The following PDE6D variants were observed in gnomAD, a reference collection of about 807,000 sequenced individuals.
PDE6D encodes the protein retinal rod rhodopsin-sensitive cGMP 3',5'-cyclic phosphodiesterase subunit delta.
PDE6D carries 10 observed loss-of-function variants against 21.9 expected under a neutral mutation model. That is an observed-to-expected ratio of 0.46 (90% CI 0.28 to 0.78). PDE6D has a LOEUF of 0.78. Ranked by LOEUF, PDE6D falls within the 30% of genes least tolerant of loss-of-function variation. The pLI is 0.12. For synonymous variants in PDE6D, 59 were observed against 63.5 expected (o/e 0.93, Z 0.34); for missense variants, 139 against 184.8 (o/e 0.75, Z 1.44).
chr2:231,758,207 A>G (rs997218371), intron 1 of PDE6D, among the ~76,000 whole-genome samples: 1 of 152,206 alleles, frequency 6.6e-6, no homozygotes, highest in Non-Finnish European at 1.5e-5. Context: ...GCAGTGGTGC[A>G]CATGGCTTAC....
intron 1 of PDE6D, among the ~76,000 whole-genome samples, chr2:231,752,016 ATTTG>A (rs1367013761): frequency 6.6e-6 from 1 of 152,162 alleles, no homozygotes. Flanking sequence ...TCTTCTCCCC[ATTTG>A]TTTTATTCAA....
At chr2:231,737,315 G>A in intron 3 of PDE6D, 23 bp from the exon 4 acceptor site, 2 of 1,325,090 alleles carry the variant, frequency 1.5e-6, no homozygotes, top group East Asian at 2.3e-5. Flanking sequence ...GGAAAAGCCG[G>A]GGTGAGCAGG....
chr2:231,763,250 CA>C (rs1260542487), intron 1 of PDE6D, among the ~76,000 whole-genome samples: 1 of 152,168 alleles, frequency 6.6e-6, no homozygotes, highest in African/African-American at 2.4e-5. Flanking sequence ...TGAATGATGA[CA>C]AAAAGTTTGT....
In PDE6D at chr2:231,760,140, A is replaced by C. The variant is rs889131228; in HGVS notation, c.50+20925T>G. ...ATACTTTATCAGCTGGTCCTTATCA[A>C]ATGGGTCACATCCAAGTAAATTTCT... is the stretch of plus-strand genomic sequence containing the variant. On this transcript the variant is annotated intron_variant, in intron 1 of 4. Transcript: ENST00000287600. Among the ~76,000 whole-genome samples the C allele has an allele frequency of 8.5e-5, 13 of 152,228 alleles. 1 individual carries two copies. Among genetic ancestry groups the C allele is most frequent in the African/African-American group, 3.1e-4 (13 of 41,454 alleles).
intron 1 of PDE6D, among the ~76,000 whole-genome samples, chr2:231,743,428 C>CAAAA (rs34916848): frequency 2.4e-4 from 14 of 59,008 alleles, no homozygotes; most frequent in Non-Finnish European, 2.6e-4. Context: ...GATTCCGTCT[C>CAAAA]AAAAAAAAAA....
chr2:231,738,157 A>G lies in PDE6D; in HGVS notation c.140-19T>C, dbSNP rs766425103. 2 of 1,604,936 alleles carry G rather than the reference A, an allele frequency of 1.2e-6. No individual in the cohort carries two copies. The highest frequency in any genetic ancestry group is 1.7e-6 in the Non-Finnish European group (2 of 1,176,556). On this transcript the variant is annotated intron_variant, in intron 2 of 4. Transcript: ENST00000287600. ...ACACGGGCTGGTAAGAGAAAAACAAATGTTGAAGCCTTTCTAAATGAAAAC... is the reference window on the plus strand; with the variant it reads ...ACACGGGCTGGTAAGAGAAAAACAAGTGTTGAAGCCTTTCTAAATGAAAAC...
intron 1 of PDE6D, among the ~76,000 whole-genome samples, chr2:231,749,208 G>A (rs1268211818): frequency 6.6e-6 from 1 of 152,192 alleles, no homozygotes; most frequent in Non-Finnish European, 1.5e-5. Context: ...AGCCACAGAG[G>A]CGGAGCTGCC....
intron 4 of PDE6D, among the ~76,000 whole-genome samples, chr2:231,734,075 G>A (rs1475077978): frequency 2.0e-5 from 3 of 152,004 alleles, no homozygotes; most frequent in Admixed American, 6.6e-5. Flanking sequence ...TTAGCCAGGC[G>A]TGGTGGCGGG....
intron 1 of PDE6D, among the ~76,000 whole-genome samples, chr2:231,760,091 G>C (rs904344446): frequency 6.6e-6 from 1 of 152,220 alleles, no homozygotes; most frequent in East Asian, 1.9e-4. Context: ...AAATTAGCTG[G>C]AGCAATTATT....
chr2:231,732,814 G>C lies in PDE6D; in HGVS notation c.*138C>G, dbSNP rs373337612. 7 of 659,530 alleles carry C rather than the reference G, an allele frequency of 1.1e-5. No homozygotes were observed. Among genetic ancestry groups the C allele is most frequent in the East Asian group, 5.1e-5 (2 of 39,292 alleles). 40.9% of individuals were successfully genotyped at this position (659,530 alleles called of 1,614,324 possible). On this transcript the variant is annotated 3_prime_UTR_variant, in exon 5 of 5. Transcript: ENST00000287600. Reference sequence around the variant, plus strand: ...GTTACCTACACAGAGCTGGTCCCCTGGTGGCTGCAGGTAGGTTCTGCTGTT... The same window carrying C: ...GTTACCTACACAGAGCTGGTCCCCTCGTGGCTGCAGGTAGGTTCTGCTGTT...
intron 1 of PDE6D, among the ~76,000 whole-genome samples, chr2:231,743,971 A>G (rs373895294): frequency 6.6e-6 from 1 of 152,342 alleles, no homozygotes; most frequent in South Asian, 2.1e-4. Context: ...TTCTCTGAAC[A>G]AGCTTTTCAT....
intron 1 of PDE6D, among the ~76,000 whole-genome samples, chr2:231,744,703 G>T (rs2048778802): frequency 6.6e-6 from 1 of 152,044 alleles, no homozygotes; most frequent in South Asian, 2.1e-4. Context: ...AAAATGCTGG[G>T]ATTACAGGCG....
At chr2:231,750,592 C>T (rs531917215) in intron 1 of PDE6D, among the ~76,000 whole-genome samples, 5 of 145,734 alleles carry the variant, frequency 3.4e-5, no homozygotes, top group South Asian at 2.2e-4. Flanking sequence ...CTCCCGGGTT[C>T]GAGAGATTCT....
rs1402568191 is a variant in PDE6D, at chr2:231,739,654, CAG to C, written c.51-468_51-467del. Among the ~76,000 whole-genome samples, 1 of 147,750 alleles carries C rather than the reference CAG, an allele frequency of 6.8e-6. No homozygotes were observed. The highest frequency in any genetic ancestry group is 2.5e-5 in the African/African-American group (1 of 39,608). ...CCCCCTCTGTTTTTTTTTTTTGAAA[CAG>C]AGTCTCACTCTGTCACACAGGCTGG... is the stretch of plus-strand genomic sequence containing the variant. On this transcript the variant is annotated intron_variant, in intron 1 of 4. Coordinates refer to ENST00000287600, the MANE Select transcript of PDE6D (RefSeq NM_002601.4). The surrounding 1 kb of genome is among the most constrained non-coding windows in gnomAD (Gnocchi z 4.2).
At chr2:231,738,690 C>T (rs1207550062) in intron 2 of PDE6D, among the ~76,000 whole-genome samples, 4 of 151,802 alleles carry the variant, frequency 2.6e-5, no homozygotes, top group Non-Finnish European at 5.9e-5. Flanking sequence ...CTGAGGCGGG[C>T]AGATCACTTG....
At chr2:231,746,165 G>A (rs1374520048) in intron 1 of PDE6D, among the ~76,000 whole-genome samples, 1 of 151,494 alleles carries the variant, frequency 6.6e-6, no homozygotes, top group African/African-American at 2.4e-5. Context: ...TTTTTGAGAC[G>A]GAGTCCCAAT....
At chr2:231,769,980 T>G (rs1371815695) in intron 1 of PDE6D, among the ~76,000 whole-genome samples, 2 of 152,204 alleles carry the variant, frequency 1.3e-5, no homozygotes, top group African/African-American at 4.8e-5. Context: ...GAAACTGAAA[T>G]AAGCTGGTCA....
intron 1 of PDE6D, among the ~76,000 whole-genome samples, chr2:231,755,221 C>T (rs556379984): frequency 6.6e-6 from 1 of 152,234 alleles, no homozygotes; most frequent in Non-Finnish European, 1.5e-5. Flanking sequence ...ATAAACCACC[C>T]AGTCTTTGGC....
chr2:231,742,110 C>G (rs1030126554), intron 1 of PDE6D, among the ~76,000 whole-genome samples: 12 of 152,024 alleles, frequency 7.9e-5, no homozygotes, highest in Middle Eastern at 3.4e-3. Flanking sequence ...TCATTAGAAA[C>G]TAGATAGACT....
Sources: allele counts gnomAD v4.1 joint callset (sites outside exome capture counted in the v4.1 genomes callset), GRCh38; gene constraint gnomAD v4.1.1; non-coding constraint Gnocchi (gnomAD v3.1); transcripts MANE v1.5; gene names NCBI Gene and HGNC (gene_info 2026-07-23, HGNC 2026-07-21).